PAQR3: variants seen among roughly 807,000 people sequenced by gnomAD.
PAQR3 encodes the protein progestin and adipoQ receptor family member 3.
A neutral mutation model predicts 41.7 loss-of-function variants in PAQR3; 39 were observed. That is an observed-to-expected ratio of 0.93 (90% CI 0.72 to 1.22). The LOEUF is 1.22. Ranked by LOEUF, PAQR3 falls within the 50% of genes most tolerant of loss-of-function variation. The pLI, the probability that PAQR3 is intolerant of heterozygous loss-of-function variation, is 0.00. For missense variants in PAQR3, 366 were observed against 385.6 expected, an observed-to-expected ratio of 0.95 and a Z score of 0.42; for synonymous variants, 140 against 140.6, an observed-to-expected ratio of 1.00 and a Z score of 0.03.
chr4:78,914,551 C>G lies in PAQR3; in HGVS notation c.*5988G>C, dbSNP rs1734877052. On this transcript the variant is annotated 3_prime_UTR_variant, in exon 6 of 6. Transcript: ENST00000512733. Reference sequence around the variant, plus strand: ...TAGGTCACTCCACACAGCTGATGCTCAGGTTATTCCCTTGTGAGAATTATG... The same window carrying G: ...TAGGTCACTCCACACAGCTGATGCTGAGGTTATTCCCTTGTGAGAATTATG... The G allele has an allele frequency of 6.6e-6, 1 of 151,776 alleles. No individual in the cohort carries two copies. The highest frequency in any genetic ancestry group is 2.4e-5 in the African/African-American group (1 of 41,334). 9.4% of individuals were successfully genotyped at this position (151,776 alleles called of 1,614,324 possible).
At position 78,912,601 on chromosome 4, in the gene PAQR3, T is replaced by C. The variant is rs561704129; in HGVS notation, c.*7938A>G. 1 of 150,864 alleles carries C rather than the reference T, an allele frequency of 6.6e-6. No homozygotes were observed. The highest frequency in any genetic ancestry group is 6.6e-5 in the Admixed American group (1 of 15,182). The allele number at this position is 150,864 out of a possible 1,614,324, so 9.3% of individuals were successfully genotyped here. On this transcript the variant is annotated 3_prime_UTR_variant, in exon 6 of 6. Transcript: ENST00000512733. ...GCCAGAAGTAACTGACTATTGTGCC[T>C]AAAACTCTGTTTCATTTTTAAAAAC...
chr4:78,937,337 T>C (rs986972177), intron 1 of PAQR3, among the ~76,000 whole-genome samples: 1 of 152,228 alleles, frequency 6.6e-6, no homozygotes, highest in Non-Finnish European at 1.5e-5. Context: ...CCACTGTCAC[T>C]GGACCTCTCT....
chr4:78,923,876 G>GA lies in PAQR3; in HGVS notation c.773dup (p.Glu260ArgfsTer42). The stretch of plus-strand genomic sequence containing the variant: ...ACCTACCTGGAAAGTACCGCTCTGG[G>GA]ACTTTGGAAATGTAGAATAGGAAAG... On this transcript the variant is annotated frameshift_variant, in exon 5 of 6. Coordinates refer to ENST00000512733, the MANE Select transcript of PAQR3 (RefSeq NM_001040202.2). LOFTEE classifies it high-confidence loss of function. 6.2e-7 allele frequency: 1 copy of GA among 1,611,804 alleles called. No homozygotes were observed. Among genetic ancestry groups the GA allele is most frequent in the Non-Finnish European group, 8.5e-7 (1 of 1,178,078 alleles).
chr4:78,921,222 A>G (rs1735629628), intron 5 of PAQR3, among the ~76,000 whole-genome samples: 1 of 151,966 alleles, frequency 6.6e-6, no homozygotes, highest in African/African-American at 2.4e-5. Context: ...TTAATTAACT[A>G]AGGTTGTTTA....
intron 11 of PAQR3, among the ~76,000 whole-genome samples, chr4:78,889,840 C>T (rs1311524677): frequency 6.6e-6 from 1 of 152,102 alleles, no homozygotes; most frequent in Admixed American, 6.5e-5. Context: ...TTTAGTAAAC[C>T]ATATAGAGAA....
chr4:78,911,603 G>T, downstream of PAQR3: 2 of 1,613,880 alleles, frequency 1.2e-6, no homozygotes, highest in East Asian at 2.2e-5. Context: ...GAGAGGGCTC[G>T]CAGGCACAAA....
intron 11 of PAQR3, among the ~76,000 whole-genome samples, chr4:78,895,596 T>TG (rs1370041954): frequency 2.6e-5 from 4 of 151,824 alleles, no homozygotes; most frequent in African/African-American, 9.7e-5. Flanking sequence ...AAGTGAGACT[T>TG]GGGAAAAAAT....
chr4:78,912,164 A>C lies in PAQR3; in HGVS notation c.*8375T>G. 1.3e-6 allele frequency: 1 copy of C among 791,022 alleles called. No individual in the cohort carries two copies. The highest frequency in any genetic ancestry group is 2.0e-6 in the Non-Finnish European group (1 of 489,936). The allele number at this position is 791,022 out of a possible 1,614,324, so 49.0% of individuals were successfully genotyped here. A position where few individuals can be genotyped will look rare whatever the true frequency, so the allele number is the denominator to read the frequency against. On this transcript the variant is annotated 3_prime_UTR_variant, in exon 6 of 6. Transcript: ENST00000512733. Reference sequence around the variant, plus strand: ...AGATCAGTCAGAATAGGTGATTTCTAAATAAACCAAATAGAAGAATGAAGT... The same window carrying C: ...AGATCAGTCAGAATAGGTGATTTCTCAATAAACCAAATAGAAGAATGAAGT...
chr4:78,915,660 C>T lies in PAQR3; in HGVS notation c.*4879G>A, dbSNP rs1719319590. 1 of 151,848 alleles carries T rather than the reference C, an allele frequency of 6.6e-6. No homozygotes were observed. Among genetic ancestry groups the T allele is most frequent in the Non-Finnish European group, 1.5e-5 (1 of 67,870 alleles). 9.4% of individuals were successfully genotyped at this position (151,848 alleles called of 1,614,324 possible). ...GTACACACATGCATGTCACATCTCT[C>T]TACTGTGGAGTTAATGTGAATTTTT... On this transcript the variant is annotated 3_prime_UTR_variant, in exon 6 of 6. Coordinates refer to ENST00000512733, the MANE Select transcript of PAQR3 (RefSeq NM_001040202.2).
chr4:78,911,855 C>G (rs1429518481), downstream of PAQR3: 1 of 1,613,900 alleles, frequency 6.2e-7, no homozygotes, highest in Non-Finnish European at 8.5e-7. Context: ...CCAGGGCGGC[C>G]AAGACAAAAT....
chr4:78,889,663 G>A (rs537685814), intron 11 of PAQR3, among the ~76,000 whole-genome samples: 1 of 152,244 alleles, frequency 6.6e-6, no homozygotes, highest in East Asian at 1.9e-4. Context: ...CTCTACTAGC[G>A]TTGTGAGACT....
At chr4:78,927,403 T>C (rs903601698) in intron 3 of PAQR3, among the ~76,000 whole-genome samples, 7 of 152,226 alleles carry the variant, frequency 4.6e-5, no homozygotes, top group African/African-American at 1.7e-4. Context: ...CTGACATCAG[T>C]GCAGAAAATA....
intron 11 of PAQR3, among the ~76,000 whole-genome samples, chr4:78,897,865 C>T (rs990068595): frequency 2.0e-5 from 3 of 152,182 alleles, no homozygotes; most frequent in Non-Finnish European, 4.4e-5. Context: ...GCCCTTGCCT[C>T]TCAAGGACTT....
In PAQR3 at chr4:78,926,663, A is replaced by T; in HGVS notation, c.560T>A (p.Phe187Tyr). 1.2e-6 allele frequency: 2 copies of T among 1,614,088 alleles called. No homozygotes were observed. Among genetic ancestry groups the T allele is most frequent in the Non-Finnish European group, 1.7e-6 (2 of 1,179,954 alleles). ...TVLAMILAVFFAQIHPNYLTQ... is the reference protein window; with the variant it reads ...TVLAMILAVFYAQIHPNYLTQ... ...GAGGTAATTGGGATGAATCTGCGCA[A>T]AGAACACTGCCAGGATCATAGCAAG... is the stretch of plus-strand genomic sequence containing the variant. Residue 187 changes from phenylalanine (F) to tyrosine (Y), a missense_variant, in exon 4 of 6, where the codon TTT becomes TAT. Physicochemically the swap from Phe to Tyr is conservative, Grantham distance 22 (BLOSUM62 3). Transcript: ENST00000512733.
Position 78,911,956 on chromosome 4 carries a change from A to T in PAQR3, c.*8583T>A. The T allele has an allele frequency of 6.2e-7, 1 of 1,613,882 alleles. No individual in the cohort carries two copies. The highest frequency in any genetic ancestry group is 8.5e-7 in the Non-Finnish European group (1 of 1,179,870). On this transcript the variant is annotated 3_prime_UTR_variant, in exon 6 of 6. Coordinates refer to ENST00000512733, the MANE Select transcript of PAQR3 (RefSeq NM_001040202.2). Reference sequence around the variant, plus strand: ...TACAGAACTTGTGGTGCAAAGCATCACTCCACATCAGTCCCAACAGTCCCA... The same window carrying T: ...TACAGAACTTGTGGTGCAAAGCATCTCTCCACATCAGTCCCAACAGTCCCA...
Position 78,920,599 on chromosome 4 carries a change from T to TG in PAQR3, c.875dup (p.Val293SerfsTer9). 6.2e-7 allele frequency: 1 copy of TG among 1,612,042 alleles called. No individual in the cohort carries two copies. Among genetic ancestry groups the TG allele is most frequent in the Non-Finnish European group, 8.5e-7 (1 of 1,178,666 alleles). ...TATGTCTGTACTGCATGACATACAC[T>TG]GTTGACTGATGCCACCAATATAACA... On this transcript the variant is annotated frameshift_variant, in exon 6 of 6. Transcript: ENST00000512733. LOFTEE classifies it high-confidence loss of function.
rs1273013226 is a variant in PAQR3 at position 78,918,478 on chromosome 4, GA to G, written c.*2060del. On this transcript the variant is annotated 3_prime_UTR_variant, in exon 6 of 6. Transcript: ENST00000512733. ...TTTATAATAAATATATCATAGCAGT[GA>G]AAAAATGAGAGGATAACTTTCTTAC... is the stretch of plus-strand genomic sequence containing the variant. The G allele has an allele frequency of 1.0e-6, 1 of 959,362 alleles. No individual in the cohort carries two copies. The highest frequency in any genetic ancestry group is 1.2e-6 in the Non-Finnish European group (1 of 806,334). The allele number at this position is 959,362 out of a possible 1,614,324, so 59.4% of individuals were successfully genotyped here. A position where few individuals can be genotyped will look rare whatever the true frequency, so the allele number is the denominator to read the frequency against.
intron 11 of PAQR3, among the ~76,000 whole-genome samples, chr4:78,896,393 G>A (rs1046377318): frequency 1.3e-5 from 2 of 152,080 alleles, no homozygotes; most frequent in Non-Finnish European, 2.9e-5. Flanking sequence ...AAAATTATCT[G>A]GGTTCAGTTT....
intron 11 of PAQR3, among the ~76,000 whole-genome samples, chr4:78,889,926 A>G (rs1733339488): frequency 6.6e-6 from 1 of 152,230 alleles, no homozygotes; most frequent in Non-Finnish European, 1.5e-5. Context: ...TCTAATGCTA[A>G]TGTTCATTTA....
Sources: gnomAD v4.1 joint callset for allele counts (sites outside exome capture counted in the v4.1 genomes callset) on GRCh38, gnomAD v4.1.1 for gene constraint, MANE v1.5 for transcripts, NCBI Gene and HGNC (gene_info 2026-07-23, HGNC 2026-07-21) for gene names.